Variants in AK4 observed in about 807,000 individuals in gnomAD.
The protein encoded by AK4 is adenylate kinase 4.
A neutral mutation model predicts 24.6 loss-of-function variants in AK4; 13 were observed. The observed-to-expected ratio is 0.53, with a 90% CI of 0.34 to 0.84. The LOEUF is 0.84. AK4 is among the 40% of genes least tolerant of loss of function. The pLI is 0.01. For missense variants in AK4, 192 were observed against 288.2 expected (o/e 0.67, Z 2.42); for synonymous variants, 88 against 107.0 (o/e 0.82, Z 1.10).
At chr1:65,181,785 A>G (rs1304998194) in intron 1 of AK4, among the ~76,000 whole-genome samples, 1 of 152,222 alleles carries the variant, frequency 6.6e-6, no homozygotes, top group Non-Finnish European at 1.5e-5. Context: ...CCAAGTTGTC[A>G]TCTGTTTGAT....
chr1:65,185,232 A>C (rs1009294163), intron 1 of AK4, among the ~76,000 whole-genome samples: 3 of 152,162 alleles, frequency 2.0e-5, no homozygotes, highest in African/African-American at 7.2e-5. Context: ...TAGGCACGTA[A>C]GGCCCCGTGC....
chr1:65,193,468 A>G (rs1651370837), intron 2 of AK4, among the ~76,000 whole-genome samples: 1 of 152,212 alleles, frequency 6.6e-6, no homozygotes, highest in Non-Finnish European at 1.5e-5. Context: ...TCTCTTTAGC[A>G]ATAGGTTGTT....
chr1:65,167,786 A>G (rs1337392820), intron 1 of AK4, among the ~76,000 whole-genome samples: 4 of 152,194 alleles, frequency 2.6e-5, no homozygotes, highest in Non-Finnish European at 4.4e-5. Flanking sequence ...TCATTGCTGG[A>G]CAGGTCTAAT....
At chr1:65,174,498 A>G (rs913162758) in intron 1 of AK4, among the ~76,000 whole-genome samples, 6 of 151,950 alleles carry the variant, frequency 3.9e-5, no homozygotes, top group Non-Finnish European at 8.8e-5. Context: ...TTTTTCTTTT[A>G]ACATACCTCA....
chr1:65,226,125 A>G lies in AK4; in HGVS notation c.620A>G (p.Tyr207Cys). 1 of 1,611,268 alleles carries G rather than the reference A, an allele frequency of 6.2e-7. No individual in the cohort carries two copies. Among genetic ancestry groups the G allele is most frequent in the East Asian group, 2.2e-5 (1 of 44,878 alleles). ...ACGAACAAAATCTGGCCCTACGTTT[A>G]CACACTTTTCTCAAACAAGATCACA... is the stretch of plus-strand genomic sequence containing the variant. Reference protein sequence around the residue: ...TETNKIWPYVYTLFSNKITPI... With the variant: ...TETNKIWPYVCTLFSNKITPI... Residue 207 changes from tyrosine to cysteine, a missense_variant, in exon 5 of 5, where the codon TAC (tyrosine) becomes TGC (cysteine). Coordinates refer to ENST00000327299, the MANE Select transcript of AK4 (RefSeq NM_013410.4).
chr1:65,183,049 GAT>G (rs1650962352), intron 1 of AK4, among the ~76,000 whole-genome samples: 1 of 152,124 alleles, frequency 6.6e-6, no homozygotes, highest in Non-Finnish European at 1.5e-5. Context: ...ATGCTAGATT[GAT>G]ATAGGGCCTG....
At chr1:65,210,080 G>C (rs7529834) in intron 2 of AK4, among the ~76,000 whole-genome samples, 5,935 of 152,266 alleles carry the variant, frequency 0.039, 185 homozygotes, top group African/African-American at 0.091. Flanking sequence ...TGTAGGTGTT[G>C]ACCATTCTTC....
intron 1 of AK4, among the ~76,000 whole-genome samples, chr1:65,167,123 ACTCT>A (rs34201920): frequency 3.3e-5 from 5 of 152,076 alleles, no homozygotes; most frequent in Admixed American, 2.6e-4. Flanking sequence ...ACAGAGAAAG[ACTCT>A]CTCAAAAAAC....
intron 1 of AK4, among the ~76,000 whole-genome samples, chr1:65,171,972 G>T (rs915136596): frequency 4.0e-5 from 6 of 149,590 alleles, no homozygotes; most frequent in Non-Finnish European, 7.4e-5. Context: ...TGAGGCTTGA[G>T]AATTGCTTGA....
At chr1:65,173,437 C>G (rs1650606439) in intron 1 of AK4, among the ~76,000 whole-genome samples, 2 of 152,308 alleles carry the variant, frequency 1.3e-5, no homozygotes, top group Non-Finnish European at 2.9e-5. Flanking sequence ...CACCACATCT[C>G]TAATACTGGG....
At chr1:65,160,864 G>A (rs1021988071) in intron 1 of AK4, among the ~76,000 whole-genome samples, 1 of 152,162 alleles carries the variant, frequency 6.6e-6, no homozygotes, top group East Asian at 1.9e-4. Flanking sequence ...CAAAATGCTG[G>A]AATTACAGGT....
At chr1:65,171,303 CTTTTTT>C (rs56094715) in intron 1 of AK4, among the ~76,000 whole-genome samples, 2 of 58,280 alleles carry the variant, frequency 3.4e-5, no homozygotes, top group Non-Finnish European at 2.8e-5. Context: ...GAAATAGTTG[CTTTTTT>C]TTTTTTTTTT....
In AK4 at chr1:65,220,399, T is replaced by C. The variant is rs1348155207; in HGVS notation, c.438+1473T>C. Among the ~76,000 whole-genome samples, 7 of 152,330 alleles carry C rather than the reference T, an allele frequency of 4.6e-5. No homozygotes were observed. In the East Asian group the frequency reaches 5.8e-4, roughly 13 times the overall value. ...CATCACCAGTATTTAGTGTAGTAAG[T>C]GTTTTAGATTTCAGCCGTTCTGCTA... On this transcript the variant is annotated intron_variant, in intron 3 of 4. Coordinates refer to ENST00000327299, the MANE Select transcript of AK4 (RefSeq NM_013410.4).
chr1:65,179,075 C>T (rs1650816153), intron 1 of AK4, among the ~76,000 whole-genome samples: 1 of 152,068 alleles, frequency 6.6e-6, no homozygotes, highest in Non-Finnish European at 1.5e-5. Context: ...GGAAAGGAAG[C>T]TGACTGGTGA....
intron 3 of AK4, among the ~76,000 whole-genome samples, chr1:65,220,495 A>C (rs1181520993): frequency 6.6e-6 from 1 of 152,162 alleles, no homozygotes; most frequent in Non-Finnish European, 1.5e-5. Flanking sequence ...TTCTTTTCTG[A>C]GATGGAGTCT....
At chr1:65,223,019 A>G (rs1652343422) in intron 3 of AK4, among the ~76,000 whole-genome samples, 1 of 151,784 alleles carries the variant, frequency 6.6e-6, no homozygotes, top group Non-Finnish European at 1.5e-5. Flanking sequence ...ATAATTTTTC[A>G]GTTCTCAGAA....
chr1:65,168,030 T>C (rs2101003246), intron 1 of AK4, among the ~76,000 whole-genome samples: 1 of 152,294 alleles, frequency 6.6e-6, no homozygotes, highest in Admixed American at 6.5e-5. Context: ...TCCCATATCA[T>C]TTCTAATTCT....
chr1:65,205,140 T>A (rs543375196), intron 2 of AK4, among the ~76,000 whole-genome samples: 2 of 152,362 alleles, frequency 1.3e-5, no homozygotes, highest in African/African-American at 4.8e-5. Flanking sequence ...TCTAATTTTT[T>A]AAAATTAGCT....
At chr1:65,202,241 C>T (rs989028537) in intron 2 of AK4, among the ~76,000 whole-genome samples, 5 of 151,664 alleles carry the variant, frequency 3.3e-5, no homozygotes, top group South Asian at 2.1e-4. Context: ...ACTAAAAATA[C>T]GAAAAATTAG....
Sources: allele counts gnomAD v4.1 joint callset (sites outside exome capture counted in the v4.1 genomes callset), GRCh38; gene constraint gnomAD v4.1.1; transcripts MANE v1.5; gene names NCBI Gene and HGNC (gene_info 2026-07-23, HGNC 2026-07-21).